PRDM6: variants seen among roughly 807,000 people sequenced by gnomAD.
PRDM6 encodes PR/SET domain 6.
PRDM6 carries 25 observed loss-of-function variants against 60.8 expected under a neutral mutation model. The observed-to-expected ratio is 0.41, with a 90% confidence interval of 0.30 to 0.57. The LOEUF is 0.57. Among genes scored for constraint, PRDM6 ranks in the 20% least tolerant of loss-of-function variants. PRDM6 has a pLI of 0.27. For missense variants in PRDM6, 839 were observed against 821.3 expected (o/e 1.02, Z -0.26); for synonymous variants, 407 against 357.4 (o/e 1.14, Z -1.57).
chr5:123,140,421 T>C (rs984630072), intron 3 of PRDM6, among the ~76,000 whole-genome samples: 4 of 152,182 alleles, frequency 2.6e-5, no homozygotes, highest in African/African-American at 7.2e-5. Context: ...ATCTTTGAAA[T>C]TTATTTACAT....
Position 123,187,291 on chromosome 5 carries a change from C to A in PRDM6, c.*90C>A. On this transcript the variant is annotated 3_prime_UTR_variant, in exon 8 of 8. Transcript: ENST00000407847. ...AAAACCAAAGATTTCCTCTGAGCAA[C>A]TTTCAATCAGTCCCAGAAAACCAAA... The A allele has an allele frequency of 1.0e-6, 1 of 973,510 alleles. No individual in the cohort carries two copies. 60.3% of individuals were successfully genotyped at this position (973,510 alleles called of 1,614,324 possible).
chr5:123,123,108 C>T (rs1327408697), intron 3 of PRDM6, among the ~76,000 whole-genome samples: 1 of 152,106 alleles, frequency 6.6e-6, no homozygotes, highest in Admixed American at 6.5e-5. Flanking sequence ...GCCTAATTTA[C>T]CCTCAGAAAG....
intron 3 of PRDM6, among the ~76,000 whole-genome samples, chr5:123,135,199 A>G (rs1764928277): frequency 6.6e-6 from 1 of 152,220 alleles, no homozygotes; most frequent in Non-Finnish European, 1.5e-5. Flanking sequence ...TAAGTGCTAC[A>G]CAAGTGGGAA....
chr5:123,180,238 A>C lies in PRDM6; in HGVS notation c.1588A>C (p.Lys530Gln), dbSNP rs1486584787. Residue 530 changes from lysine (K) to glutamine (Q), a missense_variant, in exon 7 of 8, where the codon AAG becomes CAG. This residue lies in a region of PRDM6 where 109 missense variants were observed against 172.6 expected (regional missense o/e 0.63). Transcript: ENST00000407847. ...CACTCACTCTAGTGACCGGCCTTTC[A>C]AGTGCGGCTACTGTGGTCGTGCCTT... is the stretch of plus-strand genomic sequence containing the variant. ...VVTHSSDRPFKCGYCGRAFAG... is the reference protein window; with the variant it reads ...VVTHSSDRPFQCGYCGRAFAG... 6.4e-7 allele frequency: 1 copy of C among 1,551,882 alleles called. No homozygotes were observed. The highest frequency in any genetic ancestry group is 8.7e-7 in the Non-Finnish European group (1 of 1,147,030).
At chr5:123,139,211 C>T (rs1020738546) in intron 3 of PRDM6, among the ~76,000 whole-genome samples, 4 of 152,050 alleles carry the variant, frequency 2.6e-5, no homozygotes, top group African/African-American at 7.2e-5. Flanking sequence ...TTTATAGCAG[C>T]GTGAAAACAG....
chr5:123,155,262 C>CATTTTT (rs1765466521), intron 3 of PRDM6, among the ~76,000 whole-genome samples: 1 of 92,738 alleles, frequency 1.1e-5, no homozygotes, highest in African/African-American at 4.1e-5. Flanking sequence ...GAGGGTCTCT[C>CATTTTT]TTTTTTTTTT....
chr5:123,148,161 T>A (rs372478), intron 3 of PRDM6, among the ~76,000 whole-genome samples: 109,414 of 152,150 alleles, frequency 0.72, 39,492 homozygotes, highest in Non-Finnish European at 0.75. Flanking sequence ...TAGTATTATC[T>A]GCACACTCAA....
At chr5:123,123,645 C>T (rs145579574) in intron 3 of PRDM6, among the ~76,000 whole-genome samples, 4 of 152,204 alleles carry the variant, frequency 2.6e-5, no homozygotes, top group South Asian at 2.1e-4. Flanking sequence ...TATTGCCTTT[C>T]GTTCTCTTCC....
chr5:123,177,026 T>C (rs903513022), intron 6 of PRDM6, among the ~76,000 whole-genome samples: 3 of 152,208 alleles, frequency 2.0e-5, no homozygotes, highest in Non-Finnish European at 4.4e-5. Context: ...GATGTGCTAA[T>C]TGAAATGGGC....
chr5:123,124,059 C>T (rs148872143), intron 3 of PRDM6, among the ~76,000 whole-genome samples: 35 of 152,284 alleles, frequency 2.3e-4, no homozygotes, highest in African/African-American at 8.4e-4. Flanking sequence ...TTGACCTGGT[C>T]CAGGTCAGGC....
chr5:123,127,328 G>A (rs933800625), intron 3 of PRDM6, among the ~76,000 whole-genome samples: 3 of 152,124 alleles, frequency 2.0e-5, no homozygotes, highest in Non-Finnish European at 2.9e-5. Flanking sequence ...ATGAGCCACC[G>A]TGCCTGGCCC....
At chr5:123,145,783 A>G (rs1014930396) in intron 3 of PRDM6, among the ~76,000 whole-genome samples, 1 of 152,234 alleles carries the variant, frequency 6.6e-6, no homozygotes, top group African/African-American at 2.4e-5. Flanking sequence ...TTAATAAAGC[A>G]TGTCTGACAA....
intron 4 of PRDM6, among the ~76,000 whole-genome samples, chr5:123,157,861 G>A (rs1396863224): frequency 6.6e-6 from 1 of 152,212 alleles, no homozygotes; most frequent in Non-Finnish European, 1.5e-5. Context: ...TGACAATAAT[G>A]TTTATTGGCA....
intron 6 of PRDM6, among the ~76,000 whole-genome samples, chr5:123,174,634 A>G (rs1765964326): frequency 6.6e-6 from 1 of 152,186 alleles, no homozygotes; most frequent in Admixed American, 6.5e-5. Context: ...TGTATTCATG[A>G]GCTTTTTCAT....
At chr5:123,130,980 T>C (rs1764822579) in intron 3 of PRDM6, among the ~76,000 whole-genome samples, 1 of 152,238 alleles carries the variant, frequency 6.6e-6, no homozygotes, top group African/African-American at 2.4e-5. Flanking sequence ...TTACTAGTTC[T>C]CTCAAGAGAT....
intron 3 of PRDM6, among the ~76,000 whole-genome samples, chr5:123,133,323 C>G (rs1483566066): frequency 6.6e-6 from 1 of 152,002 alleles, no homozygotes; most frequent in African/African-American, 2.4e-5. Flanking sequence ...GTTTTTCCTA[C>G]AACTGAAAGA....
chr5:123,146,598 ATGTTGT>A (rs145595881), intron 3 of PRDM6, among the ~76,000 whole-genome samples: 2 of 152,082 alleles, frequency 1.3e-5, no homozygotes, highest in Non-Finnish European at 2.9e-5. Flanking sequence ...CATATGTAGC[ATGTTGT>A]TGTTGTTGTT....
At chr5:123,170,562 G>C (rs1470635287) in intron 5 of PRDM6, among the ~76,000 whole-genome samples, 2 of 152,156 alleles carry the variant, frequency 1.3e-5, no homozygotes, top group African/African-American at 4.8e-5. Context: ...GCATACAGTT[G>C]CTTCATAAAT....
chr5:123,097,826 A>T (rs778069106), intron 2 of PRDM6, among the ~76,000 whole-genome samples: 1 of 152,226 alleles, frequency 6.6e-6, no homozygotes, highest in Non-Finnish European at 1.5e-5. Context: ...GCCCAGCGGC[A>T]TGGACACTTC....
Sources: gnomAD v4.1 joint callset for allele counts (sites outside exome capture counted in the v4.1 genomes callset) on GRCh38, gnomAD v4.1.1 for gene constraint, gnomAD v4.1.1 regional missense constraint, MANE v1.5 for transcripts, NCBI Gene and HGNC (gene_info 2026-07-23, HGNC 2026-07-21) for gene names.